PRKCE: variants seen among roughly 807,000 people sequenced by gnomAD.
PRKCE encodes protein kinase C epsilon type.
In PRKCE, 16 loss-of-function variants were observed where a neutral mutation model predicts 85.4. That is an observed-to-expected ratio of 0.19 (90% CI 0.13 to 0.28). PRKCE has a LOEUF of 0.28. Ranked by LOEUF, PRKCE falls within the 10% of genes least tolerant of loss-of-function variation. PRKCE has a pLI of 1.00. For synonymous variants in PRKCE, 388 were observed against 371.5 expected (o/e 1.04, Z -0.51); for missense variants, 573 against 975.2 (o/e 0.59, Z 5.49).
At chr2:45,660,426 C>T (rs997000866) in intron 1 of PRKCE, among the ~76,000 whole-genome samples, 1 of 152,180 alleles carries the variant, frequency 6.6e-6, no homozygotes, top group African/African-American at 2.4e-5. Flanking sequence ...TTTCTACCCT[C>T]TGAGTGCCCA....
chr2:45,954,148 G>A lies in PRKCE; in HGVS notation c.413-22281G>A, dbSNP rs113573754. 4.1e-4 allele frequency among the ~76,000 whole-genome samples: 63 copies of A among 152,298 alleles called. 2 individuals are homozygous for A. The highest frequency in any genetic ancestry group is 1.3e-3 in the African/African-American group (55 of 41,560). ...CCACTTTGAAGGTGGCCTTAGGTGC[G>A]CAGGGACTTTGTGTGGCCCTAGTGA... On this transcript the variant is annotated intron_variant, in intron 2 of 14. Transcript: ENST00000306156.
chr2:45,934,400 G>C (rs915967548), intron 2 of PRKCE, among the ~76,000 whole-genome samples: 3 of 152,190 alleles, frequency 2.0e-5, no homozygotes, highest in Non-Finnish European at 2.9e-5. Context: ...TGTAATCCCA[G>C]CACTTTGGGA....
intron 7 of PRKCE, among the ~76,000 whole-genome samples, chr2:46,003,576 G>A (rs1035581286): frequency 5.3e-4 from 81 of 152,162 alleles, no homozygotes; most frequent in Non-Finnish European, 1.0e-4. Flanking sequence ...TACTTAAGTG[G>A]AGAACACCTC....
At chr2:46,092,222 G>A (rs375460107) in intron 11 of PRKCE, among the ~76,000 whole-genome samples, 66 of 152,340 alleles carry the variant, frequency 4.3e-4, no homozygotes, top group Middle Eastern at 3.4e-3. Context: ...ATGACAGAGC[G>A]TCTTATCTAT....
At chr2:46,103,437 C>A (rs1671422412) in intron 11 of PRKCE, among the ~76,000 whole-genome samples, 1 of 152,142 alleles carries the variant, frequency 6.6e-6, no homozygotes, top group African/African-American at 2.4e-5. Flanking sequence ...TTCTTGTAGT[C>A]CCTCTCAAAG....
chr2:45,994,268 G>T (rs927381120), intron 6 of PRKCE, among the ~76,000 whole-genome samples: 3 of 151,990 alleles, frequency 2.0e-5, no homozygotes, highest in African/African-American at 7.3e-5. Flanking sequence ...TTTGTTAACG[G>T]TCAGTGAACC....
At chr2:46,014,349 G>T (rs1038921877) in intron 10 of PRKCE, among the ~76,000 whole-genome samples, 1 of 152,106 alleles carries the variant, frequency 6.6e-6, no homozygotes, top group African/African-American at 2.4e-5. Flanking sequence ...AGCCACATTC[G>T]TCCCAGGTCC....
intron 1 of PRKCE, chr2:45,700,429 G>A (rs1678537058): frequency 6.6e-6 from 1 of 152,126 alleles, no homozygotes; most frequent in African/African-American, 2.4e-5. Context: ...GAGCTGAGAG[G>A]CCAAGGAGGA....
chr2:45,667,269 C>T (rs981907895), intron 1 of PRKCE, among the ~76,000 whole-genome samples: 2 of 152,070 alleles, frequency 1.3e-5, no homozygotes, highest in African/African-American at 4.8e-5. Context: ...CGAGATCACA[C>T]CACTGCACTC....
intron 2 of PRKCE, among the ~76,000 whole-genome samples, chr2:45,911,746 C>G (rs927764105): frequency 1.3e-5 from 2 of 152,160 alleles, no homozygotes; most frequent in African/African-American, 2.4e-5. Flanking sequence ...TGAGCTGGGC[C>G]TGCATTTAGT....
At chr2:45,872,859 C>T (rs558740248) in intron 2 of PRKCE, among the ~76,000 whole-genome samples, 5 of 152,246 alleles carry the variant, frequency 3.3e-5, no homozygotes, top group East Asian at 1.9e-4. Context: ...GGAGGGGCAG[C>T]GGCAGGCTGC....
In PRKCE at chr2:46,184,194, T is replaced by C. The variant is rs1010284073; in HGVS notation, c.2068-541T>C. 1.3e-5 allele frequency among the ~76,000 whole-genome samples: 2 copies of C among 152,080 alleles called. No individual in the cohort carries two copies. Among genetic ancestry groups the C allele is most frequent in the Non-Finnish European group, 2.9e-5 (2 of 68,006 alleles). Reference sequence around the variant, plus strand: ...CAAGTCAATGTGCTGAGTTTAATAATTGAAAAAATACTGGAGCACAAAATT... The same window carrying C: ...CAAGTCAATGTGCTGAGTTTAATAACTGAAAAAATACTGGAGCACAAAATT... On this transcript the variant is annotated intron_variant, in intron 14 of 14. Coordinates refer to ENST00000306156, the MANE Select transcript of PRKCE (RefSeq NM_005400.3). This position sits in a 1 kb window ranked among gnomAD's most constrained non-coding sequence, Gnocchi z 5.0.
chr2:46,004,504 C>G lies in PRKCE; in HGVS notation c.967-38C>G. 3 of 1,502,492 alleles carry G rather than the reference C, an allele frequency of 2.0e-6. No individual in the cohort carries two copies. Among genetic ancestry groups the G allele is most frequent in the Non-Finnish European group, 2.7e-6 (3 of 1,111,722 alleles). 93.1% of individuals were successfully genotyped at this position (1,502,492 alleles called of 1,614,324 possible). A position where few individuals can be genotyped will look rare whatever the true frequency, so the allele number is the denominator to read the frequency against. ...GACATCAGAAAACTCTCAACCCTCC[C>G]TTCTGATGCCTCTGTCCCTGCTTTC... On this transcript the variant is annotated intron_variant, in intron 7 of 14. Coordinates refer to ENST00000306156, the MANE Select transcript of PRKCE (RefSeq NM_005400.3). This position sits in a 1 kb window ranked among gnomAD's most constrained non-coding sequence, Gnocchi z 4.1.
chr2:45,980,229 A>G lies in PRKCE; in HGVS notation c.608-67A>G, dbSNP rs142377664. ...CCCTTGTCACTCCACCAAGCCCTGA[A>G]TAGATCCTGGGAGGGACACTCCCTT... On this transcript the variant is annotated intron_variant, in intron 4 of 14. Coordinates refer to ENST00000306156, the MANE Select transcript of PRKCE (RefSeq NM_005400.3). 9 of 1,507,844 alleles carry G rather than the reference A, an allele frequency of 6.0e-6. No homozygotes were observed. In the East Asian group the frequency reaches 1.8e-4, roughly 30 times the overall value. The allele number at this position is 1,507,844 out of a possible 1,614,324, so 93.4% of individuals were successfully genotyped here. A position where few individuals can be genotyped will look rare whatever the true frequency, so the allele number is the denominator to read the frequency against.
At chr2:45,947,538 A>G in intron 2 of PRKCE, among the ~76,000 whole-genome samples, 2 of 152,344 alleles carry the variant, frequency 1.3e-5, no homozygotes, top group Middle Eastern at 6.8e-3. Context: ...ACAATATTAA[A>G]ATAAAATAAT....
At chr2:45,808,233 C>T (rs567914896) in intron 1 of PRKCE, among the ~76,000 whole-genome samples, 2 of 152,144 alleles carry the variant, frequency 1.3e-5, no homozygotes, top group East Asian at 1.9e-4. Flanking sequence ...TAACATTCAA[C>T]GTGTGTTTTA....
chr2:46,162,397 G>A (rs1677866983), intron 14 of PRKCE, among the ~76,000 whole-genome samples: 1 of 152,060 alleles, frequency 6.6e-6, no homozygotes, highest in African/African-American at 2.4e-5. Context: ...GGGCTGTCCA[G>A]GAGCTCCCAC....
chr2:45,976,139 C>T (rs1366102552), intron 2 of PRKCE, among the ~76,000 whole-genome samples: 1 of 152,182 alleles, frequency 6.6e-6, no homozygotes, highest in Admixed American at 6.5e-5. Context: ...CAGCTGTAGC[C>T]TGTGTGGGGA....
At chr2:45,673,854 A>G (rs778245175) in intron 1 of PRKCE, among the ~76,000 whole-genome samples, 12 of 152,212 alleles carry the variant, frequency 7.9e-5, no homozygotes, top group African/African-American at 2.2e-4. Flanking sequence ...AGCAAAGCCA[A>G]TATCATGGTT....
Sources: allele counts gnomAD v4.1 joint callset (sites outside exome capture counted in the v4.1 genomes callset), GRCh38; gene constraint gnomAD v4.1.1; non-coding constraint Gnocchi (gnomAD v3.1); transcripts MANE v1.5; gene names NCBI Gene and HGNC (gene_info 2026-07-23, HGNC 2026-07-21).